Variants in TMPRSS7 observed in about 807,000 individuals in gnomAD.
The protein encoded by TMPRSS7 is transmembrane protease serine 7.
Under a neutral mutation model 95.6 loss-of-function variants are expected in TMPRSS7, and 81 were observed. The observed-to-expected ratio is 0.85, with a 90% CI of 0.71 to 1.02. The LOEUF (loss-of-function observed/expected upper bound fraction) is 1.02, where lower values mean the gene tolerates loss of function less well. TMPRSS7 is among the 50% of genes least tolerant of loss of function. The probability of loss-of-function intolerance (pLI) is 0.00; values close to 1 mark genes in which losing one functional copy is unlikely to be tolerated. For missense variants in TMPRSS7, 945 were observed against 955.2 expected, an observed-to-expected ratio of 0.99 and a Z score of 0.14; for synonymous variants, 364 against 337.8, an observed-to-expected ratio of 1.08 and a Z score of -0.85.
At chr3:112,066,595 A>G in intron 13 of TMPRSS7, 93 bp downstream of exon 13, 1 of 1,141,834 alleles carries the variant, frequency 8.8e-7, no homozygotes, top group African/African-American at 1.5e-5. Context: ...GGTTAGGGCA[A>G]TCAACTTGTC....
At chr3:112,062,347 T>G (rs2073519461) in intron 11 of TMPRSS7, among the ~76,000 whole-genome samples, 2 of 152,202 alleles carry the variant, frequency 1.3e-5, no homozygotes, top group African/African-American at 4.8e-5. Context: ...AAGAGCTGTT[T>G]GGTAGAGGGA....
At chr3:112,046,924 A>G (rs955785041) in intron 5 of TMPRSS7, 50 bp from the exon 6 acceptor site, 1 of 694,124 alleles carries the variant, frequency 1.4e-6, no homozygotes, top group Non-Finnish European at 2.6e-6. Flanking sequence ...AAATTCTAAC[A>G]AAATGAAATG....
At chr3:112,055,144 C>G (rs2073416703) in intron 9 of TMPRSS7, among the ~76,000 whole-genome samples, 1 of 152,086 alleles carries the variant, frequency 6.6e-6, no homozygotes, top group Non-Finnish European at 1.5e-5. Context: ...TAAGAGAATC[C>G]TTTTCCGATT....
At chr3:112,045,387 A>T (rs1006892616) in intron 4 of TMPRSS7, among the ~76,000 whole-genome samples, 1 of 152,184 alleles carries the variant, frequency 6.6e-6, no homozygotes, top group Non-Finnish European at 1.5e-5. Context: ...ACCTCAGGTG[A>T]TCTGCCTGCC....
chr3:112,069,118 A>G (rs1412061092), intron 13 of TMPRSS7, among the ~76,000 whole-genome samples: 1 of 152,116 alleles, frequency 6.6e-6, no homozygotes, highest in Admixed American at 6.5e-5. Flanking sequence ...TACATGATGG[A>G]TTATGTTTAG....
chr3:112,034,993 A>C (rs2073141341), intron 1 of TMPRSS7, 100 bp downstream of exon 1: 1 of 655,994 alleles, frequency 1.5e-6, no homozygotes, highest in South Asian at 1.7e-5. Flanking sequence ...TAAAGGAAAC[A>C]ATAATAAAAT....
chr3:112,057,215 C>G, intron 10 of TMPRSS7, 84 bp downstream of exon 10: 1 of 995,610 alleles, frequency 1.0e-6, no homozygotes, highest in Non-Finnish European at 1.5e-6. Flanking sequence ...AAAGAGTTTG[C>G]GCTTTACCAT....
chr3:112,042,984 A>C (rs1559952352), intron 3 of TMPRSS7: 2 of 455,250 alleles, frequency 4.4e-6, no homozygotes, highest in Non-Finnish European at 8.8e-6. Context: ...TAGAATGAGG[A>C]AAGGTGGTGA....
chr3:112,052,956 A>G (rs1174036099), intron 9 of TMPRSS7, among the ~76,000 whole-genome samples: 1 of 152,016 alleles, frequency 6.6e-6, no homozygotes, highest in Non-Finnish European at 1.5e-5. Context: ...AAGGAAAAGG[A>G]CATCCCAGTG....
intron 5 of TMPRSS7, among the ~76,000 whole-genome samples, chr3:112,046,316 T>C (rs1201719093): frequency 6.6e-6 from 1 of 152,226 alleles, no homozygotes; most frequent in Non-Finnish European, 1.5e-5. Context: ...GTCCCTTTAC[T>C]GTGTAATGTT....
At chr3:112,044,834 A>G (rs1339499350) in intron 4 of TMPRSS7, among the ~76,000 whole-genome samples, 6 of 152,002 alleles carry the variant, frequency 3.9e-5, no homozygotes, top group African/African-American at 9.7e-5. Flanking sequence ...GCCTTGGAGT[A>G]TAGCAACTTG....
rs183246481 is a variant in TMPRSS7, at chr3:112,046,979, C to G, written c.697C>G (p.Leu233Val). The change falls in exon 6 of 18, where the codon CTT (leucine) becomes GTT (valine). Residue 233 changes from leucine to valine, a missense_variant. By Grantham distance (32) the Leu-to-Val change is conservative (BLOSUM62 1). Transcript: ENST00000452346. ...CATGTGCTTTTTCAATGCAGCTGGG[C>G]TTCGGTCGGATTACTCGTCAACCAT... 739 of 702,636 alleles carry G rather than the reference C, an allele frequency of 1.1e-3. 4 individuals are homozygous for G. The African/African-American group carries it at 0.012, about 11-fold the overall frequency. 43.5% of individuals were successfully genotyped at this position (702,636 alleles called of 1,614,324 possible).
rs538365611 is a variant in TMPRSS7 at position 112,063,526 on chromosome 3, C to T, written c.1449C>T (p.Pro483=). 3 of 1,613,726 alleles carry T rather than the reference C, an allele frequency of 1.9e-6. No homozygotes were observed. The South Asian group carries it at 3.3e-5, about 18-fold the overall frequency. ...TTTTTGATTTTTTGTTGCCCATAGC[C>T]TGCCCTGTTGGATCTTTTAGATGCT... The change falls in exon 12 of 18, where the codon CCC becomes CCT. Residue 483 remains proline, a splice_region_variant and synonymous_variant. Transcript: ENST00000452346.
In TMPRSS7 at chr3:112,049,771, A is replaced by G. The variant is rs1288140698; in HGVS notation, c.960-73A>G. 10 of 1,277,922 alleles carry G rather than the reference A, an allele frequency of 7.8e-6. No individual in the cohort carries two copies. In the East Asian group the frequency reaches 2.0e-4, roughly 25 times the overall value. 79.2% of individuals were successfully genotyped at this position (1,277,922 alleles called of 1,614,324 possible). ...ATGGATGGCCCAGGAAATGTGTGGA[A>G]TCGTTTTGAATGGAGACCCATTTCT... On this transcript the variant is annotated intron_variant, in intron 7 of 17. Transcript: ENST00000452346.
upstream of TMPRSS7, chr3:112,034,816 C>A (rs946850292): frequency 1.4e-5 from 10 of 702,482 alleles, no homozygotes; most frequent in African/African-American, 1.6e-4. Context: ...TTGAGACACC[C>A]CTGGATGATC....
At chr3:112,042,756 A>G (rs1334891557) in intron 3 of TMPRSS7, among the ~76,000 whole-genome samples, 1 of 152,238 alleles carries the variant, frequency 6.6e-6, no homozygotes, top group Non-Finnish European at 1.5e-5. Context: ...AACTTTTGCT[A>G]TAGATAATGT....
At chr3:112,059,107 T>C (rs2073469865) in intron 10 of TMPRSS7, among the ~76,000 whole-genome samples, 2 of 151,860 alleles carry the variant, frequency 1.3e-5, no homozygotes. Context: ...AGCCTGGGGG[T>C]GAGGTGTGAA....
intron 3 of TMPRSS7, chr3:112,043,184 T>A (rs1312979049): frequency 2.2e-6 from 1 of 445,110 alleles, no homozygotes; most frequent in Non-Finnish European, 4.5e-6. Context: ...AATGGCCTAC[T>A]ACACACCCAG....
chr3:112,068,348 C>T (rs2073601260), intron 13 of TMPRSS7, among the ~76,000 whole-genome samples: 1 of 152,142 alleles, frequency 6.6e-6, no homozygotes, highest in Non-Finnish European at 1.5e-5. Flanking sequence ...TAGTGTTTTC[C>T]AGTTCTGCGA....
Sources: allele counts gnomAD v4.1 joint callset (sites outside exome capture counted in the v4.1 genomes callset), GRCh38; gene constraint gnomAD v4.1.1; transcripts MANE v1.5; gene names NCBI Gene and HGNC (gene_info 2026-07-23, HGNC 2026-07-21).